The following LOC400499 variants were observed in gnomAD, a reference collection of about 807,000 sequenced individuals.
At chr16:11,393,090 G>C in the LOC400499 span, among the ~76,000 whole-genome samples, 1 of 151,856 alleles carries the variant, frequency 6.6e-6, no homozygotes, top group Non-Finnish European at 1.5e-5. Context: ...TCCTGACCTT[G>C]TGATCCACCC....
chr16:11,441,003 T>C, the LOC400499 span: 4 of 398,954 alleles, frequency 1.0e-5, no homozygotes, highest in Non-Finnish European at 1.8e-5. Context: ...AGATCTGTCA[T>C]GATGCAAACC....
chr16:11,492,703 T>C, the LOC400499 span, among the ~76,000 whole-genome samples: 1 of 151,488 alleles, frequency 6.6e-6, no homozygotes, highest in Admixed American at 6.6e-5. Context: ...GAGAATGGCG[T>C]GAACCCAGGA....
chr16:11,457,853 C>T, the LOC400499 span, among the ~76,000 whole-genome samples: 4 of 152,116 alleles, frequency 2.6e-5, no homozygotes, highest in African/African-American at 9.7e-5. Flanking sequence ...GGAAATTTGA[C>T]ACATGCTACG....
the LOC400499 span, among the ~76,000 whole-genome samples, chr16:11,382,410 C>CATTT: frequency 0.32 from 48,235 of 151,982 alleles, 7,770 homozygotes; most frequent in Non-Finnish European, 0.36. Context: ...CTTCTATGCC[C>CATTT]ATTTAGTGGG....
the LOC400499 span, among the ~76,000 whole-genome samples, chr16:11,381,741 C>G: frequency 6.6e-6 from 1 of 152,198 alleles, no homozygotes; most frequent in Non-Finnish European, 1.5e-5. Flanking sequence ...CTTATTTTCT[C>G]TTACTCCACT....
chr16:11,383,452 A>G, the LOC400499 span, among the ~76,000 whole-genome samples: 5,256 of 152,314 alleles, frequency 0.035, 309 homozygotes, highest in African/African-American at 0.12. Context: ...GCACTAGGCC[A>G]TCCATGAGGC....
chr16:11,479,791 G>A, the LOC400499 span, among the ~76,000 whole-genome samples: 5 of 152,046 alleles, frequency 3.3e-5, no homozygotes, highest in Non-Finnish European at 7.3e-5. Flanking sequence ...AACTCCAGAG[G>A]TCATTTACAT....
At chr16:11,397,793 G>GGATGGATGGATGGATGGATGGATGGAT in the LOC400499 span, among the ~76,000 whole-genome samples, 1 of 139,932 alleles carries the variant, frequency 7.1e-6, no homozygotes, top group African/African-American at 2.8e-5. Context: ...GAGGGAGGGA[G>GGATGGATGGATGGATGGATGGATGGAT]GGAGGGATGG....
chr16:11,402,633 C>T, the LOC400499 span, among the ~76,000 whole-genome samples: 1 of 152,154 alleles, frequency 6.6e-6, no homozygotes, highest in Non-Finnish European at 1.5e-5. Flanking sequence ...TCAGGATGTC[C>T]TAGCGCAGCT....
the LOC400499 span, among the ~76,000 whole-genome samples, chr16:11,413,642 T>G: frequency 6.6e-6 from 1 of 152,258 alleles, no homozygotes; most frequent in African/African-American, 2.4e-5. Context: ...TAGGTGACCT[T>G]GGGCAAGTCA....
At chr16:11,378,579 T>G in the LOC400499 span, among the ~76,000 whole-genome samples, 1 of 152,166 alleles carries the variant, frequency 6.6e-6, no homozygotes, top group South Asian at 2.1e-4. Flanking sequence ...TTTTTTAATT[T>G]AAGTGTGTAC....
At chr16:11,394,037 A>T in the LOC400499 span, among the ~76,000 whole-genome samples, 2 of 152,174 alleles carry the variant, frequency 1.3e-5, no homozygotes, top group Non-Finnish European at 2.9e-5. Context: ...GCTGCTGCCC[A>T]GGCCCCACCC....
At chr16:11,402,329 G>T in the LOC400499 span, 1 of 395,404 alleles carries the variant, frequency 2.5e-6, no homozygotes, top group South Asian at 1.4e-4. Context: ...CTACACACTC[G>T]CTTTGTCACC....
chr16:11,418,922 T>G, the LOC400499 span, among the ~76,000 whole-genome samples: 1 of 152,134 alleles, frequency 6.6e-6, no homozygotes, highest in African/African-American at 2.4e-5. Flanking sequence ...TCCCGGCACT[T>G]TGGGAGGCAA....
chr16:11,389,319 T>C, the LOC400499 span, among the ~76,000 whole-genome samples: 2 of 152,212 alleles, frequency 1.3e-5, no homozygotes, highest in African/African-American at 4.8e-5. Context: ...TGGTGACCAG[T>C]GGGCCCCAGC....
the LOC400499 span, chr16:11,390,208 G>A: frequency 8.1e-7 from 1 of 1,232,496 alleles, no homozygotes; most frequent in South Asian, 4.1e-5. Flanking sequence ...GCGGCCTGGA[G>A]AGGGAGGGGA....
chr16:11,404,019 C>T, the LOC400499 span, among the ~76,000 whole-genome samples: 3 of 152,222 alleles, frequency 2.0e-5, no homozygotes, highest in African/African-American at 4.8e-5. Context: ...GCTGCTGCTC[C>T]ACATGCAAAC....
At chr16:11,503,214 C>T in the LOC400499 span, among the ~76,000 whole-genome samples, 2 of 151,726 alleles carry the variant, frequency 1.3e-5, no homozygotes, top group African/African-American at 4.8e-5. Flanking sequence ...CGCGCCCACC[C>T]TTTTCCAATA....
At chr16:11,457,528 G>C in the LOC400499 span, among the ~76,000 whole-genome samples, 3 of 149,708 alleles carry the variant, frequency 2.0e-5, no homozygotes, top group Non-Finnish European at 3.0e-5. Context: ...AGGAGGCAGA[G>C]CTTGCAGTGA....
Sources: gnomAD v4.1 joint callset for allele counts (sites outside exome capture counted in the v4.1 genomes callset) on GRCh38, gnomAD v4.1.1 for gene constraint, MANE v1.5 for transcripts.